TLE2: variants seen among roughly 807,000 people sequenced by gnomAD.
TLE2 encodes transducin-like enhancer protein 2.
TLE2 carries 74 observed loss-of-function variants against 97.2 expected under a neutral mutation model. That is an observed-to-expected ratio of 0.76 (90% CI 0.63 to 0.92). The LOEUF is 0.92. Among genes scored for constraint, TLE2 ranks in the 40% least tolerant of loss-of-function variants. The pLI is 0.00. For missense variants in TLE2, 1,038 were observed against 1,008.7 expected (o/e 1.03, Z -0.39); for synonymous variants, 499 against 432.1 (o/e 1.15, Z -1.92).
At chr19:3,038,248 C>G (rs2090075610) in intron 1 of TLE2, among the ~76,000 whole-genome samples, 1 of 152,172 alleles carries the variant, frequency 6.6e-6, no homozygotes, top group Non-Finnish European at 1.5e-5. Flanking sequence ...CACTCTGTCA[C>G]CCAGTCTGGA....
intron 1 of TLE2, among the ~76,000 whole-genome samples, chr19:3,043,962 C>T (rs751287630): frequency 1.3e-5 from 2 of 151,824 alleles, no homozygotes; most frequent in Non-Finnish European, 2.9e-5. Flanking sequence ...CCAGCCTCGG[C>T]GACAGAGCAA....
upstream of TLE2, chr19:3,029,613 C>T (rs984886079): frequency 4.4e-5 from 14 of 320,456 alleles, no homozygotes; most frequent in African/African-American, 2.3e-5. Context: ...AATGGCTTTT[C>T]TGAGCAAGTG....
Position 3,025,053 on chromosome 19 carries a change from G to C in TLE2, c.261C>G (p.Ile87Met), listed in dbSNP as rs758323007. 2 of 1,605,476 alleles carry C rather than the reference G, an allele frequency of 1.2e-6. No homozygotes were observed. The highest frequency in any genetic ancestry group is 8.5e-7 in the Non-Finnish European group (1 of 1,176,296). ...TCAGGAAGGGGATAATCTGAGCGCA[G>C]ATACCGCTCAGACGCTTCACAATCT... ...QAEIVKRLSGICAQIIPFLTQ... is the reference protein window; with the variant it reads ...QAEIVKRLSGMCAQIIPFLTQ... The change falls in exon 5 of 20, where the codon ATC (isoleucine) becomes ATG (methionine). Residue 87 changes from isoleucine to methionine, a missense_variant. Coordinates refer to ENST00000262953, the MANE Select transcript of TLE2 (RefSeq NM_003260.5).
At position 3,015,759 on chromosome 19, in the gene TLE2, C is replaced by T. The variant is rs749904888; in HGVS notation, c.572G>A (p.Ser191Asn). 6.2e-7 allele frequency: 1 copy of T among 1,604,944 alleles called. No individual in the cohort carries two copies. Among genetic ancestry groups the T allele is most frequent in the Non-Finnish European group, 8.5e-7 (1 of 1,176,460 alleles). ...ACTCTCAGGGGGCGAGGGAGATGCA[C>T]TCTGCGGAGAGACAAAGGCCGGGGG... ...GSRVERAPSR[S>N]ASPSPPESLV... is the part of the protein sequence containing the mutation. The change falls in exon 9 of 20, where the codon AGT (serine) becomes AAT (asparagine). Residue 191 changes from serine (S) to asparagine (N), a missense_variant and splice_region_variant. Transcript: ENST00000262953.
At chr19:3,042,607 G>GAC (rs1462477650) in intron 1 of TLE2, among the ~76,000 whole-genome samples, 1 of 150,712 alleles carries the variant, frequency 6.6e-6, no homozygotes, top group African/African-American at 2.4e-5. Flanking sequence ...AGGGAGACGA[G>GAC]ACCATCAGAG....
In TLE2 at chr19:3,042,202, G is replaced by A. The variant is rs938716567; in HGVS notation, c.63+3524C>T. Among the ~76,000 whole-genome samples, 3 of 143,224 alleles carry A rather than the reference G, an allele frequency of 2.1e-5. No individual in the cohort carries two copies. In the South Asian group the frequency reaches 7.0e-4, roughly 34 times the overall value. The allele number at this position is 143,224 out of a possible 152,430, so 94.0% of individuals were successfully genotyped here. ...TGGAGGAGGAAACGGAGGGACAAAG[G>A]GGGAGGCGGCAAAGGGGAGGGGAGG... is the stretch of plus-strand genomic sequence containing the variant. On this transcript the variant is annotated intron_variant, in intron 1 of 18. Transcript: ENST00000426948.
Position 3,019,149 on chromosome 19 carries a change from C to T in TLE2, c.550+134G>A, listed in dbSNP as rs943043004. On this transcript the variant is annotated intron_variant, in intron 7 of 19. Coordinates refer to ENST00000262953, the MANE Select transcript of TLE2 (RefSeq NM_003260.5). The surrounding 1 kb of genome is among the most constrained non-coding windows in gnomAD (Gnocchi z 5.1). ...CTGGGCTCAAGCGATCCTCCCGCCT[C>T]GGCCTCCCAAATTGTTGGGATTATA... 1.2e-5 allele frequency: 16 copies of T among 1,294,314 alleles called. No homozygotes were observed. Among genetic ancestry groups the T allele is most frequent in the South Asian group, 1.2e-4 (8 of 69,180 alleles). 80.2% of individuals were successfully genotyped at this position (1,294,314 alleles called of 1,614,324 possible). A position where few individuals can be genotyped will look rare whatever the true frequency, so the allele number is the denominator to read the frequency against.
intron 10 of TLE2, 88 bp from the exon 11 acceptor site, chr19:3,013,906 A>T: frequency 2.4e-6 from 3 of 1,240,806 alleles, no homozygotes; most frequent in Non-Finnish European, 3.1e-6. Context: ...TCCCACCCCA[A>T]TCTCTAGAAT....
intron 4 of TLE2, among the ~76,000 whole-genome samples, chr19:3,027,372 C>T (rs528783868): frequency 6.6e-6 from 1 of 152,256 alleles, no homozygotes; most frequent in Non-Finnish European, 1.5e-5. Flanking sequence ...GCCAATCACA[C>T]TGAGACCAAT....
intron 11 of TLE2, among the ~76,000 whole-genome samples, chr19:3,011,467 G>C (rs2089594531): frequency 6.6e-6 from 1 of 150,852 alleles, no homozygotes; most frequent in African/African-American, 2.4e-5. Flanking sequence ...GGGAGACGGA[G>C]CTTGCAGTGA....
chr19:3,044,121 C>G (rs2090124839), intron 1 of TLE2, among the ~76,000 whole-genome samples: 1 of 151,728 alleles, frequency 6.6e-6, no homozygotes, highest in Non-Finnish European at 1.5e-5. Context: ...TGCAGTGGGC[C>G]GAGACCTTGC....
chr19:3,019,803 T>C lies in TLE2; in HGVS notation c.295-30A>G. 1 of 1,601,852 alleles carries C rather than the reference T, an allele frequency of 6.2e-7. No homozygotes were observed. The highest frequency in any genetic ancestry group is 1.1e-5 in the South Asian group (1 of 89,016). On this transcript the variant is annotated intron_variant, in intron 5 of 19. Coordinates refer to ENST00000262953, the MANE Select transcript of TLE2 (RefSeq NM_003260.5). The surrounding 1 kb of genome is among the most constrained non-coding windows in gnomAD (Gnocchi z 5.1). ...CGGGTGGAAGGGATCAGGTAGAGGG[T>C]ACATTGAGCCCCTGCTCATGCTAGC... is the stretch of plus-strand genomic sequence containing the variant.
At chr19:3,011,260 T>C in intron 11 of TLE2, 100 bp from the exon 12 acceptor site, 1 of 1,322,872 alleles carries the variant, frequency 7.6e-7, no homozygotes, top group South Asian at 1.5e-5. Context: ...AGTCGCAGTG[T>C]CTCACACCTG....
At chr19:3,000,248 A>AT (rs574733927) in intron 19 of TLE2, among the ~76,000 whole-genome samples, 2,639 of 148,826 alleles carry the variant, frequency 0.018, 88 homozygotes, top group African/African-American at 0.061. Flanking sequence ...ATTTTTTTGT[A>AT]TTTTTTTTAG....
chr19:3,029,109 T>C lies in TLE2; in HGVS notation c.-205A>G. 1 of 1,170,698 alleles carries C rather than the reference T, an allele frequency of 8.5e-7. No individual in the cohort carries two copies. The highest frequency in any genetic ancestry group is 1.1e-6 in the Non-Finnish European group (1 of 950,132). The allele number at this position is 1,170,698 out of a possible 1,614,324, so 72.5% of individuals were successfully genotyped here. A position where few individuals can be genotyped will look rare whatever the true frequency, so the allele number is the denominator to read the frequency against. ...GGGTCGTGGGAGCCCCTCCCCGGGT[T>C]GGGGTGCGCGGGGCGAGCGGGGCGG... On this transcript the variant is annotated 5_prime_UTR_variant, in exon 1 of 20. Transcript: ENST00000262953.
chr19:3,000,545 G>C, intron 19 of TLE2, 102 bp downstream of exon 19: 2 of 1,043,696 alleles, frequency 1.9e-6, no homozygotes, highest in Non-Finnish European at 1.4e-6. Context: ...TTAGGGTGGC[G>C]GGGGGACCTG....
chr19:3,007,568 C>G (rs1020940657), intron 14 of TLE2, among the ~76,000 whole-genome samples: 1 of 152,058 alleles, frequency 6.6e-6, no homozygotes, highest in Non-Finnish European at 1.5e-5. Context: ...AGGAAAAAGG[C>G]AGGACAATGT....
upstream of TLE2, among the ~76,000 whole-genome samples, chr19:3,030,545 G>T (rs1416073636): frequency 6.6e-6 from 1 of 152,128 alleles, no homozygotes; most frequent in Admixed American, 6.5e-5. Context: ...TTGGACTTGT[G>T]TCCTTAGGTG....
chr19:3,033,459 A>G (rs866721987), upstream of TLE2, among the ~76,000 whole-genome samples: 4 of 151,908 alleles, frequency 2.6e-5, no homozygotes, highest in African/African-American at 2.4e-5. Context: ...GAGCCACCGC[A>G]CCCGGCTAAT....
Sources: allele counts gnomAD v4.1 joint callset (sites outside exome capture counted in the v4.1 genomes callset), GRCh38; gene constraint gnomAD v4.1.1; non-coding constraint Gnocchi (gnomAD v3.1); transcripts MANE v1.5; gene names NCBI Gene and HGNC (gene_info 2026-07-23, HGNC 2026-07-21).